PIKFYVE: variants seen among roughly 807,000 people sequenced by gnomAD.
PIKFYVE encodes the protein 1-phosphatidylinositol 3-phosphate 5-kinase.
Under a neutral mutation model 257.9 loss-of-function variants are expected in PIKFYVE, and 122 were observed. The observed-to-expected ratio is 0.47, with a 90% confidence interval of 0.41 to 0.55. PIKFYVE has a LOEUF of 0.55. Among genes scored for constraint, PIKFYVE ranks in the 20% least tolerant of loss-of-function variants. The pLI, the probability that PIKFYVE is intolerant of heterozygous loss-of-function variation, is 0.00. For synonymous variants in PIKFYVE, 892 were observed against 868.9 expected (o/e 1.03, Z -0.47); for missense variants, 2,160 against 2,536.6 (o/e 0.85, Z 3.19).
chr2:208,302,646 T>G, intron 10 of PIKFYVE: 1 of 376,950 alleles, frequency 2.7e-6, no homozygotes, highest in Non-Finnish European at 5.0e-6. Flanking sequence ...GGGTTTATGG[T>G]CTTTATAGTT....
intron 20 of PIKFYVE, among the ~76,000 whole-genome samples, chr2:208,327,853 A>G (rs1395035715): frequency 2.6e-5 from 4 of 152,218 alleles, no homozygotes; most frequent in Non-Finnish European, 5.9e-5. Flanking sequence ...GTTATATCCC[A>G]TCAGTTCAGA....
Position 208,322,209 on chromosome 2 carries a change from G to C in PIKFYVE, c.2190+1850G>C, listed in dbSNP as rs938937272. On this transcript the variant is annotated intron_variant, in intron 17 of 41. Transcript: ENST00000264380. ...AGCCTGGGTAACATAGTGAGACTCT[G>C]TTCCTACAAAAAATAGAAAAAATTA... 4.0e-5 allele frequency among the ~76,000 whole-genome samples: 6 copies of C among 151,626 alleles called. No individual in the cohort carries two copies. The South Asian group carries it at 6.3e-4, about 16-fold the overall frequency.
At position 208,358,618 on chromosome 2, in the gene PIKFYVE, T is replaced by TA. The variant is rs1456701207; in HGVS notation, c.*3314dup. On this transcript the variant is annotated 3_prime_UTR_variant, in exon 42 of 42. Transcript: ENST00000264380. ...TATTGAAAGTACTTAATGTATTGTATATATTTCTCTACTTTGGTTCTAGCT... is the reference window on the plus strand; with the variant it reads ...TATTGAAAGTACTTAATGTATTGTATAATATTTCTCTACTTTGGTTCTAGCT... 50 of 152,788 alleles carry TA rather than the reference T, an allele frequency of 3.3e-4. No homozygotes were observed. Among genetic ancestry groups the TA allele is most frequent in the African/African-American group, 1.2e-3 (50 of 41,578 alleles). 9.5% of individuals were successfully genotyped at this position (152,788 alleles called of 1,614,324 possible). A position where few individuals can be genotyped will look rare whatever the true frequency, so the allele number is the denominator to read the frequency against.
At position 208,352,832 on chromosome 2, in the gene PIKFYVE, C is replaced by T. The variant is rs200472802; in HGVS notation, c.5844+50C>T. On this transcript the variant is annotated intron_variant, in intron 39 of 41. Coordinates refer to ENST00000264380, the MANE Select transcript of PIKFYVE (RefSeq NM_015040.4). Reference sequence around the variant, plus strand: ...CATTTAGCTACTGGAACCTTTTGTACCTTTGGTTCTTAAATATAGTGAATC... The same window carrying T: ...CATTTAGCTACTGGAACCTTTTGTATCTTTGGTTCTTAAATATAGTGAATC... The T allele has an allele frequency of 2.6e-5, 41 of 1,594,870 alleles. No homozygotes were observed. In the East Asian group the frequency reaches 5.0e-4, roughly 19 times the overall value.
At chr2:208,275,825 C>A (rs747520006) in intron 3 of PIKFYVE, among the ~76,000 whole-genome samples, 1 of 152,154 alleles carries the variant, frequency 6.6e-6, no homozygotes, top group East Asian at 1.9e-4. Flanking sequence ...ATAGGATGTT[C>A]ATCCTTTTTG....
At chr2:208,308,308 G>A (rs1694573102) in intron 12 of PIKFYVE, among the ~76,000 whole-genome samples, 1 of 152,056 alleles carries the variant, frequency 6.6e-6, no homozygotes, top group Non-Finnish European at 1.5e-5. Flanking sequence ...GGCTGAGGTG[G>A]GAGGATTGCT....
intron 10 of PIKFYVE, 143 bp from the exon 11 acceptor site, chr2:208,304,028 G>T: frequency 9.6e-7 from 1 of 1,040,666 alleles, no homozygotes; most frequent in Non-Finnish European, 1.4e-6. Flanking sequence ...TTTATAACTT[G>T]GTTTTTGTTA....
intron 15 of PIKFYVE, among the ~76,000 whole-genome samples, chr2:208,317,403 A>G (rs935188719): frequency 9.0e-5 from 13 of 144,628 alleles, no homozygotes; most frequent in Admixed American, 4.4e-4. Context: ...TGGCCATCAG[A>G]GAAATGCAAA....
rs1453780810 is a variant in PIKFYVE at position 208,336,085 on chromosome 2, C to A, written c.4405C>A (p.Gln1469Lys). 6 of 1,613,958 alleles carry A rather than the reference C, an allele frequency of 3.7e-6. No individual in the cohort carries two copies. The highest frequency in any genetic ancestry group is 5.1e-6 in the Non-Finnish European group (6 of 1,179,996). The change falls in exon 27 of 42, where the codon CAA (glutamine) becomes AAA (lysine). Residue 1469 changes from glutamine (Q) to lysine (K), a missense_variant. By Grantham distance (53) the Gln-to-Lys change is moderately conservative. Around this residue, in one of 12 missense-constraint regions of PIKFYVE, gnomAD observed 699 missense variants for 855.8 expected, o/e 0.82. Transcript: ENST00000264380. ...GEFKNWIEKM[Q>K]ARLMSSSVDT... is the part of the protein sequence containing the mutation. ...GTTCAAGAACTGGATTGAGAAGATG[C>A]AAGCAAGGCTCATGTCTTCCTCTGT...
chr2:208,355,624 A>C lies in PIKFYVE; in HGVS notation c.*319A>C. On this transcript the variant is annotated 3_prime_UTR_variant, in exon 42 of 42. Coordinates refer to ENST00000264380, the MANE Select transcript of PIKFYVE (RefSeq NM_015040.4). ...AAAAATGGGTTAAATTTGCTAGCTTAATTGTTTTAAGAAGAAAACAGTGTC... is the reference window on the plus strand; with the variant it reads ...AAAAATGGGTTAAATTTGCTAGCTTCATTGTTTTAAGAAGAAAACAGTGTC... The C allele has an allele frequency of 4.0e-6, 1 of 247,140 alleles. No individual in the cohort carries two copies. Among genetic ancestry groups the C allele is most frequent in the East Asian group, 9.7e-5 (1 of 10,260 alleles). The allele number at this position is 247,140 out of a possible 1,614,324, so 15.3% of individuals were successfully genotyped here.
rs2124991298 is a variant in PIKFYVE at position 208,271,543 on chromosome 2, C to G, written c.24C>G (p.Ser8=). The G allele has an allele frequency of 3.1e-6, 5 of 1,614,074 alleles. No homozygotes were observed. Among genetic ancestry groups the G allele is most frequent in the Non-Finnish European group, 4.2e-6 (5 of 1,180,000 alleles). The stretch of plus-strand genomic sequence containing the variant: ...AAATGGCCACAGATGATAAGACGTC[C>G]CCAACACTGGACTCTGCTAATGATT... MATDDKT[S]PTLDSANDLP... The change falls in exon 2 of 42, where the codon TCC becomes TCG. Residue 8 remains serine, a synonymous_variant. Coordinates refer to ENST00000264380, the MANE Select transcript of PIKFYVE (RefSeq NM_015040.4).
Position 208,314,275 on chromosome 2 carries a change from T to C in PIKFYVE, c.1697-19T>C, listed in dbSNP as rs1695233786. The C allele has an allele frequency of 6.2e-7, 1 of 1,607,606 alleles. No individual in the cohort carries two copies. The highest frequency in any genetic ancestry group is 1.1e-5 in the South Asian group (1 of 90,896). On this transcript the variant is annotated intron_variant, in intron 13 of 41. Coordinates refer to ENST00000264380, the MANE Select transcript of PIKFYVE (RefSeq NM_015040.4). ...ACAGGACAATGAAGTAATAACTTCTTATTTTATATTGTACTTAGAATCCTT... is the reference window on the plus strand; with the variant it reads ...ACAGGACAATGAAGTAATAACTTCTCATTTTATATTGTACTTAGAATCCTT...
At position 208,344,812 on chromosome 2, in the gene PIKFYVE, G is replaced by C. The variant is rs114154097; in HGVS notation, c.5028-299G>C. Among the ~76,000 whole-genome samples, 1,111 of 151,496 alleles carry C rather than the reference G, an allele frequency of 7.3e-3. 11 individuals carry two copies. Among genetic ancestry groups the C allele is most frequent in the African/African-American group, 0.025 (1,049 of 41,298 alleles). ...ACACTGAGGCTTCAAACTTTTACCT[G>C]TTCAATCCCTGAAGTCATTTGATCT... On this transcript the variant is annotated intron_variant, in intron 32 of 41. Transcript: ENST00000264380.
At chr2:208,277,513 C>G (rs1449095762) in intron 4 of PIKFYVE, 24 bp from the exon 5 acceptor site, 2 of 1,611,700 alleles carry the variant, frequency 1.2e-6, no homozygotes, top group African/African-American at 2.7e-5. Flanking sequence ...TTCAAGAAGC[C>G]TTCACACATT....
chr2:208,314,478 T>G lies in PIKFYVE; in HGVS notation c.1826+55T>G, dbSNP rs1038781736. The G allele has an allele frequency of 3.9e-6, 6 of 1,543,098 alleles. No individual in the cohort carries two copies. The African/African-American group carries it at 8.3e-5, about 21-fold the overall frequency. On this transcript the variant is annotated intron_variant, in intron 14 of 41. Transcript: ENST00000264380. The stretch of plus-strand genomic sequence containing the variant: ...TTTCACTTTTATTATCTTCAGTGAC[T>G]TGATAAGCATATGCATCATTCCTCT...
chr2:208,313,780 G>A (rs1019077915), intron 13 of PIKFYVE, among the ~76,000 whole-genome samples: 3 of 151,952 alleles, frequency 2.0e-5, no homozygotes, highest in Non-Finnish European at 2.9e-5. Flanking sequence ...ATGGAGTTTC[G>A]CCATGTTGGC....
chr2:208,315,396 T>C lies in PIKFYVE; in HGVS notation c.2007+23T>C, dbSNP rs58200041. 1,441 of 1,612,176 alleles carry C rather than the reference T, an allele frequency of 8.9e-4. 14 individuals carry two copies. In the African/African-American group the frequency reaches 0.016, roughly 18 times the overall value. On this transcript the variant is annotated intron_variant, in intron 15 of 41. Transcript: ENST00000264380. Reference sequence around the variant, plus strand: ...AAAGTGAGCTCTGCTAATGTTTTACTAATGCTAGGAACTGATGAGGCAGGA... The same window carrying C: ...AAAGTGAGCTCTGCTAATGTTTTACCAATGCTAGGAACTGATGAGGCAGGA...
At chr2:208,324,332 A>G in intron 18 of PIKFYVE, 50 bp downstream of exon 18, 3 of 1,576,008 alleles carry the variant, frequency 1.9e-6, no homozygotes, top group Non-Finnish European at 2.6e-6. Context: ...ACAGCTTTTA[A>G]ATTTATATGC....
chr2:208,346,003 T>G (rs754882567), intron 33 of PIKFYVE, 47 bp from the exon 34 acceptor site: 1 of 1,405,580 alleles, frequency 7.1e-7, no homozygotes, highest in East Asian at 2.3e-5. Context: ...ATTTTCTGTT[T>G]GACTTGTATA....
Sources: gnomAD v4.1 joint callset for allele counts (sites outside exome capture counted in the v4.1 genomes callset) on GRCh38, gnomAD v4.1.1 for gene constraint, gnomAD v4.1.1 regional missense constraint, MANE v1.5 for transcripts, NCBI Gene and HGNC (gene_info 2026-07-23, HGNC 2026-07-21) for gene names.